ME3: variants seen among roughly 807,000 people sequenced by gnomAD.
ME3 encodes NADP-dependent malic enzyme, mitochondrial.
Under a neutral mutation model 68.9 loss-of-function variants are expected in ME3, and 48 were observed. The observed-to-expected ratio is 0.70, with a 90% CI of 0.55 to 0.89. The LOEUF (loss-of-function observed/expected upper bound fraction) is 0.89, where lower values mean the gene tolerates loss of function less well. Among genes scored for constraint, ME3 ranks in the 40% least tolerant of loss-of-function variants. The pLI, the probability that ME3 is intolerant of heterozygous loss-of-function variation, is 0.00. For missense variants in ME3, 675 were observed against 797.4 expected, an observed-to-expected ratio of 0.85 and a Z score of 1.85; for synonymous variants, 320 against 318.8, an observed-to-expected ratio of 1.00 and a Z score of -0.04.
intron 2 of ME3, chr11:86,667,654 T>C (rs73514380): frequency 4.3e-4 from 65 of 152,268 alleles, no homozygotes; most frequent in African/African-American, 1.4e-3. Flanking sequence ...ATTGTAATAG[T>C]GTGCTCAGTG....
chr11:86,481,941 C>T (rs758824810), intron 7 of ME3, among the ~76,000 whole-genome samples: 19 of 152,204 alleles, frequency 1.2e-4, no homozygotes, highest in Non-Finnish European at 2.1e-4. Flanking sequence ...CAGAGAGGTT[C>T]AGAGTCCTAA....
intron 7 of ME3, among the ~76,000 whole-genome samples, chr11:86,478,467 C>G (rs565448651): frequency 5.7e-4 from 87 of 152,170 alleles, no homozygotes; most frequent in African/African-American, 1.6e-3. Context: ...GAGTATCAGG[C>G]CAGGCTGGTC....
At position 86,626,304 on chromosome 11, in the gene ME3, C is replaced by T. The variant is rs551015478; in HGVS notation, c.183+45458G>A. ...GGCTCCTTTCTGTCTACTTCCTGAGCGATTTCTGTGGCATCCTCTACCTGT... is the reference window on the plus strand; with the variant it reads ...GGCTCCTTTCTGTCTACTTCCTGAGTGATTTCTGTGGCATCCTCTACCTGT... On this transcript the variant is annotated intron_variant, in intron 2 of 14. Coordinates refer to ENST00000543262, the Ensembl canonical transcript of ME3. Among the ~76,000 whole-genome samples the T allele has an allele frequency of 4.6e-5, 7 of 152,302 alleles. No homozygotes were observed. In the South Asian group the frequency reaches 6.2e-4, roughly 14 times the overall value.
At chr11:86,604,712 A>G (rs894148341) in intron 2 of ME3, among the ~76,000 whole-genome samples, 6 of 151,916 alleles carry the variant, frequency 3.9e-5, no homozygotes, top group African/African-American at 1.4e-4. Flanking sequence ...GAACTGAGGT[A>G]TAGAAAGTGT....
chr11:86,544,793 C>G (rs985661305), intron 4 of ME3, among the ~76,000 whole-genome samples: 1 of 152,178 alleles, frequency 6.6e-6, no homozygotes, highest in Non-Finnish European at 1.5e-5. Context: ...AGGGACCGCT[C>G]CCTAACTCAT....
intron 2 of ME3, among the ~76,000 whole-genome samples, chr11:86,636,091 G>A (rs1385385608): frequency 6.6e-6 from 1 of 152,176 alleles, no homozygotes; most frequent in African/African-American, 2.4e-5. Flanking sequence ...AGAAACCTGG[G>A]TGCTATGGAA....
chr11:86,602,487 C>T (rs1320824133), intron 2 of ME3, among the ~76,000 whole-genome samples: 1 of 152,134 alleles, frequency 6.6e-6, no homozygotes, highest in Non-Finnish European at 1.5e-5. Context: ...ATTCTATGCT[C>T]ATGGGTAGGA....
chr11:86,648,713 A>C (rs1011189010), intron 2 of ME3, among the ~76,000 whole-genome samples: 2 of 152,224 alleles, frequency 1.3e-5, no homozygotes, highest in Admixed American at 1.3e-4. Flanking sequence ...ACCTCTATGC[A>C]TATAAACTAG....
chr11:86,652,747 T>A (rs1464890625), intron 2 of ME3, among the ~76,000 whole-genome samples: 1 of 151,882 alleles, frequency 6.6e-6, no homozygotes, highest in African/African-American at 2.4e-5. Context: ...CATAACAATA[T>A]CAACCTTAAA....
chr11:86,457,831 T>G, intron 8 of ME3: 2 of 1,234,298 alleles, frequency 1.6e-6, no homozygotes, highest in South Asian at 1.3e-5. Context: ...TCCTGCAAAC[T>G]GAGTACTTGA....
chr11:86,480,554 G>A (rs766818336), intron 7 of ME3, among the ~76,000 whole-genome samples: 34 of 152,280 alleles, frequency 2.2e-4, no homozygotes, highest in Middle Eastern at 3.4e-3. Context: ...AACTTCCCAA[G>A]CAGGCCGTTT....
chr11:86,603,340 A>T (rs1189643611), intron 2 of ME3, among the ~76,000 whole-genome samples: 1 of 152,242 alleles, frequency 6.6e-6, no homozygotes, highest in Non-Finnish European at 1.5e-5. Flanking sequence ...CAAAAGACAC[A>T]TGAAAAAATG....
intron 2 of ME3, among the ~76,000 whole-genome samples, chr11:86,577,567 TG>T (rs1958186222): frequency 1.3e-5 from 2 of 152,218 alleles, no homozygotes. Context: ...GGTATTAAGT[TG>T]GTGCCTCCTG....
At position 86,575,176 on chromosome 11, in the gene ME3, A is replaced by G. The variant is rs1037636217; in HGVS notation, c.184-15353T>C. ...ATGTGCTTCTAATAACTGTTGTGCC[A>G]ATGCATTAAACAGCCATTGGAGACA... is the stretch of plus-strand genomic sequence containing the variant. On this transcript the variant is annotated intron_variant, in intron 2 of 14. Coordinates refer to ENST00000543262, the Ensembl canonical transcript of ME3. Among the ~76,000 whole-genome samples, 5 of 147,468 alleles carry G rather than the reference A, an allele frequency of 3.4e-5. 1 individual carries two copies. The highest frequency in any genetic ancestry group is 1.3e-4 in the African/African-American group (5 of 38,316).
At chr11:86,624,127 A>G (rs1943517015) in intron 2 of ME3, among the ~76,000 whole-genome samples, 1 of 152,178 alleles carries the variant, frequency 6.6e-6, no homozygotes, top group African/African-American at 2.4e-5. Context: ...TGGGGCAGCC[A>G]TGTTCCCCAC....
At chr11:86,518,227 T>C (rs1280271220) in intron 4 of ME3, among the ~76,000 whole-genome samples, 1 of 152,178 alleles carries the variant, frequency 6.6e-6, no homozygotes, top group African/African-American at 2.4e-5. Flanking sequence ...GGAGAAATTG[T>C]AGTTTCAGAA....
intron 2 of ME3, among the ~76,000 whole-genome samples, chr11:86,560,780 G>T (rs1422982908): frequency 2.1e-5 from 2 of 97,410 alleles, no homozygotes; most frequent in Non-Finnish European, 4.3e-5. Flanking sequence ...ATATTTCCAG[G>T]ACCCATCCAG....
At chr11:86,590,455 G>C (rs1050483081) in intron 2 of ME3, among the ~76,000 whole-genome samples, 40 of 152,362 alleles carry the variant, frequency 2.6e-4, no homozygotes, top group African/African-American at 9.4e-4. Flanking sequence ...GGGCTGGGAG[G>C]AGCAGTGGGG....
At chr11:86,460,044 C>T (rs918305826) in intron 8 of ME3, among the ~76,000 whole-genome samples, 1 of 152,214 alleles carries the variant, frequency 6.6e-6, no homozygotes, top group Non-Finnish European at 1.5e-5. Context: ...TTCCCCTGTC[C>T]CCAGTGTGAC....
Sources: allele counts gnomAD v4.1 joint callset (sites outside exome capture counted in the v4.1 genomes callset), GRCh38; gene constraint gnomAD v4.1.1; transcripts MANE v1.5; gene names NCBI Gene and HGNC (gene_info 2026-07-23, HGNC 2026-07-21).